The following ADK variants were observed in gnomAD, a reference collection of about 807,000 sequenced individuals.
ADK encodes the protein N6,N6-dimethyladenosine kinase.
ADK carries 24 observed loss-of-function variants against 44.7 expected under a neutral mutation model. The observed-to-expected ratio is 0.54, with a 90% confidence interval of 0.39 to 0.76. ADK has a LOEUF of 0.76. ADK is among the 30% of genes least tolerant of loss of function. The pLI, the probability that ADK is intolerant of heterozygous loss-of-function variation, is 0.00. For synonymous variants in ADK, 128 were observed against 142.6 expected (o/e 0.90, Z 0.73); for missense variants, 321 against 425.1 (o/e 0.76, Z 2.15).
At chr10:74,335,568 C>A (rs908756607) in intron 4 of ADK, among the ~76,000 whole-genome samples, 2 of 152,122 alleles carry the variant, frequency 1.3e-5, no homozygotes, top group East Asian at 3.9e-4. Context: ...AATATTTATA[C>A]GTTTTTGTGT....
At chr10:74,478,947 C>A (rs1331945700) in intron 6 of ADK, among the ~76,000 whole-genome samples, 3 of 152,100 alleles carry the variant, frequency 2.0e-5, no homozygotes, top group Non-Finnish European at 4.4e-5. Context: ...GTGCTCTTTC[C>A]AACTATATTT....
At chr10:74,179,085 G>T (rs994316469) in intron 1 of ADK, among the ~76,000 whole-genome samples, 2 of 152,160 alleles carry the variant, frequency 1.3e-5, no homozygotes, top group African/African-American at 4.8e-5. Context: ...GATAACTGGG[G>T]TTTAGAAGTA....
chr10:74,634,606 A>G (rs930607804), intron 9 of ADK, among the ~76,000 whole-genome samples: 34 of 152,044 alleles, frequency 2.2e-4, no homozygotes, highest in Non-Finnish European at 8.8e-5. Context: ...AAACTTGAAT[A>G]TAGGTATGTA....
chr10:74,700,175 T>C (rs921189978), intron 10 of ADK, among the ~76,000 whole-genome samples: 1 of 152,188 alleles, frequency 6.6e-6, no homozygotes, highest in African/African-American at 2.4e-5. Flanking sequence ...TATTTATACA[T>C]GGAGATACTA....
At chr10:74,371,874 G>A in intron 4 of ADK, 1 of 1,447,858 alleles carries the variant, frequency 6.9e-7, no homozygotes, top group Non-Finnish European at 9.6e-7. Flanking sequence ...CCACATCCAG[G>A]CAGCCTTCCA....
At chr10:74,349,790 T>C (rs999176118) in intron 4 of ADK, among the ~76,000 whole-genome samples, 5 of 151,514 alleles carry the variant, frequency 3.3e-5, no homozygotes, top group African/African-American at 1.2e-4. Context: ...AAACAGGCTT[T>C]AAACTAACAA....
intron 4 of ADK, among the ~76,000 whole-genome samples, chr10:74,323,892 T>C (rs1172447738): frequency 1.3e-5 from 2 of 151,986 alleles, no homozygotes; most frequent in Non-Finnish European, 2.9e-5. Flanking sequence ...CATTATCAAA[T>C]GAAGAAACTC....
intron 3 of ADK, among the ~76,000 whole-genome samples, chr10:74,250,433 TG>T (rs1845605173): frequency 6.6e-6 from 1 of 152,066 alleles, no homozygotes; most frequent in Non-Finnish European, 1.5e-5. Context: ...GGTAAAACAC[TG>T]GGTATGTCAT....
At chr10:74,435,182 A>G (rs1268384545) in intron 6 of ADK, among the ~76,000 whole-genome samples, 1 of 152,224 alleles carries the variant, frequency 6.6e-6, no homozygotes, top group Non-Finnish European at 1.5e-5. Context: ...CAGAAGACTG[A>G]TAATGCAGTG....
intron 10 of ADK, among the ~76,000 whole-genome samples, chr10:74,701,287 A>G (rs572213066): frequency 1.3e-5 from 2 of 152,336 alleles, no homozygotes; most frequent in East Asian, 3.9e-4. Flanking sequence ...CTCTGTACAC[A>G]TGTATACGTA....
intron 7 of ADK, among the ~76,000 whole-genome samples, chr10:74,586,886 T>TAC (rs987198447): frequency 2.1e-4 from 32 of 151,166 alleles, no homozygotes; most frequent in African/African-American, 7.1e-4. Flanking sequence ...TGTATATATA[T>TAC]ACACACACAC....
At chr10:74,395,373 C>CA (rs1409482478) in intron 5 of ADK, among the ~76,000 whole-genome samples, 1 of 152,064 alleles carries the variant, frequency 6.6e-6, no homozygotes, top group Non-Finnish European at 1.5e-5. Flanking sequence ...GACTGGGGAT[C>CA]AATAAGCACA....
intron 6 of ADK, among the ~76,000 whole-genome samples, chr10:74,404,074 A>G (rs1047797923): frequency 3.3e-5 from 5 of 151,524 alleles, no homozygotes; most frequent in African/African-American, 7.3e-5. Context: ...GGGTTTCACC[A>G]TGTTAGCCAG....
At chr10:74,625,599 C>CT (rs1853165323) in intron 9 of ADK, among the ~76,000 whole-genome samples, 1 of 151,944 alleles carries the variant, frequency 6.6e-6, no homozygotes, top group Non-Finnish European at 1.5e-5. Flanking sequence ...GATGAAAATC[C>CT]TTTTTTTAAT....
At chr10:74,294,561 A>AT (rs1220060723) in intron 3 of ADK, among the ~76,000 whole-genome samples, 1 of 152,052 alleles carries the variant, frequency 6.6e-6, no homozygotes, top group Non-Finnish European at 1.5e-5. Flanking sequence ...TACTGGAATT[A>AT]TAGGTGTGAG....
At position 74,174,201 on chromosome 10, in the gene ADK, G is replaced by A. The variant is rs191067801; in HGVS notation, c.65+22858G>A. The stretch of plus-strand genomic sequence containing the variant: ...TGCGTGCCTTTAGTCCCAGCTACTC[G>A]GGAGGCTGAGGTGGGAGAATTGCTT... On this transcript the variant is annotated intron_variant, in intron 1 of 10. Coordinates refer to ENST00000539909, the MANE Select transcript of ADK (RefSeq NM_006721.4). 1.3e-4 allele frequency among the ~76,000 whole-genome samples: 20 copies of A among 150,992 alleles called. No individual in the cohort carries two copies. The East Asian group carries it at 3.7e-3, about 28-fold the overall frequency.
chr10:74,371,091 T>A (rs1014438977), intron 4 of ADK, among the ~76,000 whole-genome samples: 2 of 152,212 alleles, frequency 1.3e-5, no homozygotes, highest in Non-Finnish European at 2.9e-5. Flanking sequence ...TATAAGTATA[T>A]ACTAGCTATT....
intron 4 of ADK, among the ~76,000 whole-genome samples, chr10:74,326,420 C>A (rs1841012773): frequency 7.4e-6 from 1 of 134,638 alleles, no homozygotes; most frequent in Admixed American, 7.9e-5. Flanking sequence ...CATAGTGAGA[C>A]CTTGTTTCTA....
At chr10:74,682,412 C>T (rs938226134) in intron 10 of ADK, among the ~76,000 whole-genome samples, 1 of 152,104 alleles carries the variant, frequency 6.6e-6, no homozygotes, top group African/African-American at 2.4e-5. Context: ...TGACCACTTG[C>T]CTGTATATTA....
Sources: gnomAD v4.1 joint callset for allele counts (sites outside exome capture counted in the v4.1 genomes callset) on GRCh38, gnomAD v4.1.1 for gene constraint, MANE v1.5 for transcripts, NCBI Gene and HGNC (gene_info 2026-07-23, HGNC 2026-07-21) for gene names.